MARCHF1: variants seen among roughly 807,000 people sequenced by gnomAD.
The protein encoded by MARCHF1 is E3 ubiquitin-protein ligase MARCHF1.
MARCHF1 carries 40 observed loss-of-function variants against 54.2 expected under a neutral mutation model. The ratio of observed to expected loss-of-function variants is 0.74; its 90% CI spans 0.57 to 0.96. The LOEUF (loss-of-function observed/expected upper bound fraction) is 0.96. Among genes scored for constraint, MARCHF1 ranks in the 40% least tolerant of loss-of-function variants. MARCHF1 has a pLI of 0.00. For missense variants in MARCHF1, 586 were observed against 656.5 expected, an observed-to-expected ratio of 0.89 and a Z score of 1.17; for synonymous variants, 236 against 236.3, an observed-to-expected ratio of 1.00 and a Z score of 0.01.
chr4:164,374,647 T>C (rs1731133357), intron 1 of MARCHF1, among the ~76,000 whole-genome samples: 1 of 152,150 alleles, frequency 6.6e-6, no homozygotes, highest in Non-Finnish European at 1.5e-5. Flanking sequence ...AGACTTTTCC[T>C]TCTATATTAT....
At chr4:163,774,232 G>A (rs1457329931) in intron 4 of MARCHF1, among the ~76,000 whole-genome samples, 2 of 152,130 alleles carry the variant, frequency 1.3e-5, no homozygotes, top group Non-Finnish European at 2.9e-5. Context: ...TTGTTATACT[G>A]AATTGTCTAG....
intron 5 of MARCHF1, among the ~76,000 whole-genome samples, chr4:163,655,038 T>A (rs1297245408): frequency 6.6e-6 from 1 of 151,676 alleles, no homozygotes; most frequent in Admixed American, 6.6e-5. Flanking sequence ...CCTCCCTTCC[T>A]CCCATTCACA....
chr4:163,699,259 T>G (rs1318746636), intron 5 of MARCHF1, among the ~76,000 whole-genome samples: 1 of 152,244 alleles, frequency 6.6e-6, no homozygotes, highest in African/African-American at 2.4e-5. Flanking sequence ...ACACATTGAC[T>G]GATACTAGAC....
intron 1 of MARCHF1, among the ~76,000 whole-genome samples, chr4:164,298,312 T>TA (rs1315166361): frequency 1.3e-5 from 2 of 152,020 alleles, no homozygotes; most frequent in Non-Finnish European, 2.9e-5. Flanking sequence ...AAAAAGAGAA[T>TA]AAATATATTG....
chr4:164,243,875 T>A (rs1395852813), intron 1 of MARCHF1, among the ~76,000 whole-genome samples: 1 of 151,666 alleles, frequency 6.6e-6, no homozygotes, highest in East Asian at 1.9e-4. Flanking sequence ...CATTACATAA[T>A]GGTAAAGGGA....
intron 3 of MARCHF1, among the ~76,000 whole-genome samples, chr4:163,902,629 C>T (rs922076526): frequency 2.0e-5 from 3 of 152,116 alleles, no homozygotes; most frequent in Non-Finnish European, 4.4e-5. Flanking sequence ...CCTAGAAAAG[C>T]CCAAACTGTC....
At chr4:163,782,841 G>T (rs1340339189) in intron 4 of MARCHF1, among the ~76,000 whole-genome samples, 1 of 152,110 alleles carries the variant, frequency 6.6e-6, no homozygotes, top group East Asian at 1.9e-4. Flanking sequence ...CTAGGATTTA[G>T]AATTTTGGTC....
intron 1 of MARCHF1, among the ~76,000 whole-genome samples, chr4:164,187,121 G>A (rs1341820689): frequency 1.3e-5 from 2 of 151,710 alleles, no homozygotes; most frequent in African/African-American, 4.8e-5. Flanking sequence ...GCACTTGTGT[G>A]TTAGGGAGAT....
chr4:163,844,226 C>T (rs1015913008), intron 4 of MARCHF1, among the ~76,000 whole-genome samples: 4 of 152,062 alleles, frequency 2.6e-5, no homozygotes, highest in South Asian at 4.2e-4. Context: ...GCATGAGGTA[C>T]GTGGTTTTCT....
chr4:163,717,847 T>A (rs530654839), intron 4 of MARCHF1, among the ~76,000 whole-genome samples: 1 of 152,284 alleles, frequency 6.6e-6, no homozygotes, highest in Admixed American at 6.5e-5. Context: ...TGGGGTTGTC[T>A]GTTTTTTTCT....
intron 1 of MARCHF1, among the ~76,000 whole-genome samples, chr4:164,380,492 A>G (rs916283934): frequency 1.3e-5 from 2 of 152,232 alleles, no homozygotes; most frequent in South Asian, 2.1e-4. Context: ...TCAAAAGTAG[A>G]ACACATATTT....
chr4:164,242,702 C>A (rs1423425995), intron 1 of MARCHF1, among the ~76,000 whole-genome samples: 1 of 152,058 alleles, frequency 6.6e-6, no homozygotes, highest in Non-Finnish European at 1.5e-5. Context: ...GACATTCAAA[C>A]CAAAGGCAAA....
At chr4:163,904,763 A>AGAGAGAGAGACAGAGACAGAGAC (rs374872263) in intron 3 of MARCHF1, among the ~76,000 whole-genome samples, 1 of 151,466 alleles carries the variant, frequency 6.6e-6, no homozygotes, top group Non-Finnish European at 1.5e-5. Flanking sequence ...AGGAGAGAGA[A>AGAGAGAGAGACAGAGACAGAGAC]AGAGACAGAG....
chr4:163,845,460 T>TACACACACACAC (rs10611765), intron 4 of MARCHF1, among the ~76,000 whole-genome samples: 1 of 137,528 alleles, frequency 7.3e-6, no homozygotes, highest in African/African-American at 2.7e-5. Context: ...GCACCTCAGT[T>TACACACACACAC]ACACACACAC....
chr4:164,345,877 T>G (rs756876359), intron 1 of MARCHF1, among the ~76,000 whole-genome samples: 7 of 152,128 alleles, frequency 4.6e-5, no homozygotes, highest in Non-Finnish European at 1.0e-4. Flanking sequence ...ATTGTAAATA[T>G]TGGAAGCTTT....
chr4:163,907,403 G>A (rs975741171), intron 3 of MARCHF1, among the ~76,000 whole-genome samples: 21 of 151,968 alleles, frequency 1.4e-4, no homozygotes, highest in African/African-American at 3.4e-4. Context: ...AATAGGTCAC[G>A]ATATAAAAAA....
In MARCHF1 at chr4:163,899,874, CTTTT is replaced by C. The variant is rs1750900446; in HGVS notation, c.-38-45709_-38-45706del. On this transcript the variant is annotated intron_variant, in intron 3 of 9. Coordinates refer to ENST00000514618, the MANE Select transcript of MARCHF1 (RefSeq NM_001394959.1). ...TTGCAGTACTCCAAGCTATGCCTTT[CTTTT>C]TCTTTTTTTCTTTTTTTAAACATTC... Among the ~76,000 whole-genome samples the C allele has an allele frequency of 4.4e-5, 6 of 136,930 alleles. No homozygotes were observed. In the South Asian group the frequency reaches 1.5e-3, roughly 34 times the overall value. 89.8% of individuals were successfully genotyped at this position (136,930 alleles called of 152,430 possible).
At chr4:163,640,709 C>T in intron 5 of MARCHF1, among the ~76,000 whole-genome samples, 1 of 152,064 alleles carries the variant, frequency 6.6e-6, no homozygotes, top group Non-Finnish European at 1.5e-5. Flanking sequence ...AGATGAATTG[C>T]CAACTTCATG....
intron 1 of MARCHF1, among the ~76,000 whole-genome samples, chr4:164,284,687 C>T (rs1409839010): frequency 6.6e-6 from 1 of 150,908 alleles, no homozygotes; most frequent in African/African-American, 2.4e-5. Flanking sequence ...TCACAGATGC[C>T]TAATTAGCTA....
Sources: allele counts gnomAD v4.1 joint callset (sites outside exome capture counted in the v4.1 genomes callset), GRCh38; gene constraint gnomAD v4.1.1; transcripts MANE v1.5; gene names NCBI Gene and HGNC (gene_info 2026-07-23, HGNC 2026-07-21).